The following CRISP2 variants were observed in gnomAD, a reference collection of about 807,000 sequenced individuals.
CRISP2 encodes cysteine rich secretory protein 2, also known as cysteine-rich secretory protein 2.
CRISP2 carries 29 observed loss-of-function variants against 31.7 expected under a neutral mutation model. That is an observed-to-expected ratio of 0.92 (90% CI 0.68 to 1.25). The LOEUF (loss-of-function observed/expected upper bound fraction) is 1.25. CRISP2 is among the 50% of genes most tolerant of loss of function. The pLI, the probability that CRISP2 is intolerant of heterozygous loss-of-function variation, is 0.00. For synonymous variants in CRISP2, 111 were observed against 101.4 expected, an observed-to-expected ratio of 1.09 and a Z score of -0.57; for missense variants, 318 against 286.5, an observed-to-expected ratio of 1.11 and a Z score of -0.79.
chr6:49,683,632 C>T, the CRISP2 span, among the ~76,000 whole-genome samples: 15 of 130,106 alleles, frequency 1.2e-4, no homozygotes, highest in Non-Finnish European at 2.2e-4. Context: ...CCACTGCACT[C>T]CAGCCTGGGC....
Position 49,696,649 on chromosome 6 carries a change from A to T in CRISP2, c.516-725T>A, listed in dbSNP as rs574258878. 2.6e-4 allele frequency among the ~76,000 whole-genome samples: 40 copies of T among 152,190 alleles called. 1 individual carries two copies. The highest frequency in any genetic ancestry group is 1.4e-3 in the Admixed American group (21 of 15,266). On this transcript the variant is annotated intron_variant, in intron 8 of 9. Transcript: ENST00000339139. ...TTTGATAAATACTGATATCCAGGAT[A>T]TAATAGTTTTGCAATGATTAACCAT...
At chr6:49,682,669 TC>T in the CRISP2 span, among the ~76,000 whole-genome samples, 8 of 143,912 alleles carry the variant, frequency 5.6e-5, no homozygotes, top group East Asian at 4.2e-4. Flanking sequence ...CTTTCTTTCT[TC>T]TCTCTCTTTC....
At chr6:49,708,734 C>A (rs771977286) in intron 4 of CRISP2, among the ~76,000 whole-genome samples, 1 of 152,142 alleles carries the variant, frequency 6.6e-6, no homozygotes, top group African/African-American at 2.4e-5. Context: ...TTTGTTGCAA[C>A]CACCCTAAGA....
the CRISP2 span, among the ~76,000 whole-genome samples, chr6:49,686,983 C>T: frequency 2.6e-5 from 4 of 151,302 alleles, no homozygotes; most frequent in East Asian, 2.0e-4. Context: ...TGTTCTCACT[C>T]ATAGGTGGGA....
At chr6:49,678,440 GA>G in the CRISP2 span, among the ~76,000 whole-genome samples, 1 of 152,020 alleles carries the variant, frequency 6.6e-6, no homozygotes, top group African/African-American at 2.4e-5. Flanking sequence ...AAACTTGGGA[GA>G]AAAAATTTCC....
chr6:49,710,742 G>T (rs1314603983), intron 3 of CRISP2, among the ~76,000 whole-genome samples: 1 of 152,058 alleles, frequency 6.6e-6, no homozygotes, highest in Non-Finnish European at 1.5e-5. Flanking sequence ...TTTTGTGTGT[G>T]TGCGTAATAT....
At chr6:49,697,648 T>G in intron 8 of CRISP2, 3 of 1,332,668 alleles carry the variant, frequency 2.3e-6, no homozygotes, top group Non-Finnish European at 2.0e-6. Context: ...ATTCTGTTAA[T>G]GAGGAATGAG....
At chr6:49,684,445 G>C in the CRISP2 span, among the ~76,000 whole-genome samples, 1 of 152,142 alleles carries the variant, frequency 6.6e-6, no homozygotes, top group Non-Finnish European at 1.5e-5. Flanking sequence ...ATGATCAGTG[G>C]TTAGTTGAAT....
chr6:49,699,765 T>C (rs754231227), intron 6 of CRISP2, 39 bp downstream of exon 6: 23 of 1,349,310 alleles, frequency 1.7e-5, no homozygotes, highest in Non-Finnish European at 2.3e-5. Context: ...ATTATTTTAT[T>C]CATTTATTTA....
intron 8 of CRISP2, among the ~76,000 whole-genome samples, chr6:49,696,894 A>T (rs1028562118): frequency 1.3e-5 from 2 of 152,102 alleles, no homozygotes; most frequent in African/African-American, 2.4e-5. Context: ...TTCCCTCATG[A>T]TCTATTCCAA....
At chr6:49,688,195 A>G (rs968964871), downstream of CRISP2, among the ~76,000 whole-genome samples, 1 of 152,188 alleles carries the variant, frequency 6.6e-6, no homozygotes, top group African/African-American at 2.4e-5. Flanking sequence ...ACAAATTAAC[A>G]AAACTATGGT....
intron 4 of CRISP2, among the ~76,000 whole-genome samples, chr6:49,702,338 G>A (rs1766232084): frequency 6.6e-6 from 1 of 150,542 alleles, no homozygotes. Context: ...TAGTGAAATT[G>A]CTGGATCAAA....
At chr6:49,693,670 T>C (rs964902801) in intron 9 of CRISP2, among the ~76,000 whole-genome samples, 1 of 152,206 alleles carries the variant, frequency 6.6e-6, no homozygotes, top group East Asian at 1.9e-4. Flanking sequence ...CTCTTTTTCA[T>C]ATAGCCTGTC....
chr6:49,700,126 G>T (rs1363684349), intron 5 of CRISP2, among the ~76,000 whole-genome samples: 2 of 152,108 alleles, frequency 1.3e-5, no homozygotes, highest in Non-Finnish European at 2.9e-5. Flanking sequence ...GATTATTTAT[G>T]ATAGCAAAGC....
At chr6:49,682,696 C>A in the CRISP2 span, among the ~76,000 whole-genome samples, 5 of 141,768 alleles carry the variant, frequency 3.5e-5, no homozygotes, top group Non-Finnish European at 7.7e-5. Flanking sequence ...CTTTCTCTTT[C>A]TTTTTCTTTT....
the CRISP2 span, among the ~76,000 whole-genome samples, chr6:49,679,130 A>G: frequency 6.6e-6 from 1 of 152,208 alleles, no homozygotes; most frequent in African/African-American, 2.4e-5. Flanking sequence ...TTAGATTTGC[A>G]TGAACACATT....
rs183520594 is a variant in CRISP2, at chr6:49,694,444, G to C, written c.604+1392C>G. On this transcript the variant is annotated intron_variant, in intron 9 of 9. Coordinates refer to ENST00000339139, the MANE Select transcript of CRISP2 (RefSeq NM_003296.4). The stretch of plus-strand genomic sequence containing the variant: ...GTGGGTCTAGAGGCCCACCAATCTG[G>C]ATACCAATCTGCATACCAATCTGGA... 2.6e-5 allele frequency among the ~76,000 whole-genome samples: 4 copies of C among 152,238 alleles called. No individual in the cohort carries two copies. The South Asian group carries it at 8.3e-4, about 32-fold the overall frequency.
Position 49,694,026 on chromosome 6 carries a change from G to T in CRISP2, c.605-1126C>A, listed in dbSNP as rs149364102. Among the ~76,000 whole-genome samples the T allele has an allele frequency of 7.4e-3, 1,133 of 152,286 alleles. 12 individuals carry two copies. The highest frequency in any genetic ancestry group is 0.012 in the Non-Finnish European group (836 of 68,026). ...ACTATCTCAATATCTAGGCACTAAA[G>T]AATTAATTATCCTAGTCTTTGCAGT... On this transcript the variant is annotated intron_variant, in intron 9 of 9. Coordinates refer to ENST00000339139, the MANE Select transcript of CRISP2 (RefSeq NM_003296.4).
the CRISP2 span, among the ~76,000 whole-genome samples, chr6:49,686,376 C>T: frequency 2.2e-4 from 33 of 152,160 alleles, no homozygotes; most frequent in Middle Eastern, 3.4e-3. Context: ...TTGCTAGAAG[C>T]GAATTAATGA....
Sources: allele counts gnomAD v4.1 joint callset (sites outside exome capture counted in the v4.1 genomes callset), GRCh38; gene constraint gnomAD v4.1.1; transcripts MANE v1.5; gene names NCBI Gene and HGNC (gene_info 2026-07-23, HGNC 2026-07-21).